The following ELF5 variants were observed in gnomAD, a reference collection of about 807,000 sequenced individuals.
ELF5 encodes the protein ETS-related transcription factor Elf-5.
In ELF5, 31 loss-of-function variants were observed where a neutral mutation model predicts 38.2. The ratio of observed to expected loss-of-function variants is 0.81; its 90% CI spans 0.61 to 1.10. The LOEUF is 1.10. ELF5 is among the 50% of genes least tolerant of loss of function. The pLI is 0.00. For synonymous variants in ELF5, 121 were observed against 112.5 expected (o/e 1.08, Z -0.48); for missense variants, 300 against 306.6 (o/e 0.98, Z 0.16).
chr11:34,480,468 C>A (rs1044657866), intron 6 of ELF5, among the ~76,000 whole-genome samples, 154 bp from the exon 7 acceptor site: 1 of 152,144 alleles, frequency 6.6e-6, no homozygotes, highest in South Asian at 2.1e-4. Flanking sequence ...ACACTTAAAC[C>A]TTTCCCAGAC....
At chr11:34,494,864 A>G (rs1307588077) in intron 2 of ELF5, among the ~76,000 whole-genome samples, 2 of 152,238 alleles carry the variant, frequency 1.3e-5, no homozygotes, top group East Asian at 3.8e-4. Flanking sequence ...GCTGTTCTGC[A>G]GATTAAATGA....
At chr11:34,506,275 C>A (rs1392557156) in intron 1 of ELF5, among the ~76,000 whole-genome samples, 1 of 152,100 alleles carries the variant, frequency 6.6e-6, no homozygotes, top group Non-Finnish European at 1.5e-5. Flanking sequence ...TAGAAGGGGG[C>A]ACTAAATGTT....
chr11:34,501,005 C>T (rs911584982), intron 2 of ELF5, among the ~76,000 whole-genome samples: 2 of 152,088 alleles, frequency 1.3e-5, no homozygotes, highest in African/African-American at 4.8e-5. Context: ...TCATGTTGTC[C>T]CTAACACAAT....
At chr11:34,485,839 G>A (rs530403177) in intron 4 of ELF5, among the ~76,000 whole-genome samples, 1 of 152,146 alleles carries the variant, frequency 6.6e-6, no homozygotes, top group African/African-American at 2.4e-5. Context: ...CCAGCGCTGG[G>A]TGGTGGATCT....
At chr11:34,481,793 T>C (rs1034033430) in intron 5 of ELF5, among the ~76,000 whole-genome samples, 13 of 152,198 alleles carry the variant, frequency 8.5e-5, no homozygotes, top group Non-Finnish European at 1.8e-4. Flanking sequence ...TTTATAACCA[T>C]AAACTTTTAG....
chr11:34,483,235 C>A (rs1403414969), intron 4 of ELF5, among the ~76,000 whole-genome samples: 1 of 152,026 alleles, frequency 6.6e-6, no homozygotes, highest in Non-Finnish European at 1.5e-5. Flanking sequence ...AAATCACCTT[C>A]CAGTGAGGTC....
At chr11:34,487,442 G>A (rs1037627715) in intron 4 of ELF5, among the ~76,000 whole-genome samples, 1 of 152,122 alleles carries the variant, frequency 6.6e-6, no homozygotes, top group Non-Finnish European at 1.5e-5. Context: ...GCTGGGTCCA[G>A]GCCACCATCA....
At chr11:34,491,436 C>T (rs561830494) in intron 3 of ELF5, among the ~76,000 whole-genome samples, 1 of 114,460 alleles carries the variant, frequency 8.7e-6, no homozygotes, top group South Asian at 2.8e-4. Context: ...TGAAATCCCA[C>T]CATTAAAGGT....
chr11:34,493,185 T>C (rs1850220792), intron 3 of ELF5: 3 of 564,972 alleles, frequency 5.3e-6, no homozygotes, highest in Non-Finnish European at 9.5e-6. Flanking sequence ...TTCAAATCAT[T>C]ATGAATATAC....
chr11:34,504,132 C>CA (rs1231581713), intron 2 of ELF5, among the ~76,000 whole-genome samples: 1 of 152,158 alleles, frequency 6.6e-6, no homozygotes, highest in Non-Finnish European at 1.5e-5. Flanking sequence ...TGGCCTTATG[C>CA]ATAGGTAGAG....
At chr11:34,501,217 G>T (rs976783782) in intron 2 of ELF5, among the ~76,000 whole-genome samples, 1 of 152,148 alleles carries the variant, frequency 6.6e-6, no homozygotes, top group African/African-American at 2.4e-5. Flanking sequence ...TAGGGATGGA[G>T]GTGGACAGAG....
chr11:34,510,803 A>C (rs1590346260), intron 1 of ELF5, among the ~76,000 whole-genome samples: 1 of 152,180 alleles, frequency 6.6e-6, no homozygotes, highest in Non-Finnish European at 1.5e-5. Flanking sequence ...AAAATGACCT[A>C]AAAAGTGTCC....
intron 4 of ELF5, among the ~76,000 whole-genome samples, chr11:34,486,472 G>A (rs1590323617): frequency 6.6e-6 from 1 of 152,146 alleles, no homozygotes; most frequent in East Asian, 1.9e-4. Flanking sequence ...TTGTCAAGCT[G>A]GGCCCAGAAC....
chr11:34,489,008 T>C (rs1009956455), intron 4 of ELF5, among the ~76,000 whole-genome samples: 1 of 152,114 alleles, frequency 6.6e-6, no homozygotes, highest in Non-Finnish European at 1.5e-5. Flanking sequence ...GTGGGTGAGA[T>C]GCTACACCCC....
intron 5 of ELF5, 104 bp downstream of exon 5, chr11:34,482,326 AC>A (rs1485108235): frequency 1.4e-5 from 14 of 1,033,796 alleles, no homozygotes; most frequent in Non-Finnish European, 2.1e-5. Context: ...TTGGGGAGTA[AC>A]TGGTCCAACT....
At chr11:34,488,244 A>T (rs12797675) in intron 4 of ELF5, among the ~76,000 whole-genome samples, 45,473 of 152,004 alleles carry the variant, frequency 0.3, 8,770 homozygotes, top group Non-Finnish European at 0.42. Context: ...GCTCATCACC[A>T]CAGCTACAGT....
intron 5 of ELF5, among the ~76,000 whole-genome samples, chr11:34,481,953 C>T (rs1856952345): frequency 6.6e-6 from 1 of 152,224 alleles, no homozygotes; most frequent in African/African-American, 2.4e-5. Flanking sequence ...AAATTACAAG[C>T]TTGACACTGC....
At chr11:34,502,605 A>T (rs978325852) in intron 2 of ELF5, among the ~76,000 whole-genome samples, 2 of 152,210 alleles carry the variant, frequency 1.3e-5, no homozygotes, top group African/African-American at 4.8e-5. Context: ...CCAGGTGAAC[A>T]TTTCACACCC....
chr11:34,498,299 C>T (rs556449073), intron 2 of ELF5, among the ~76,000 whole-genome samples: 1 of 152,168 alleles, frequency 6.6e-6, no homozygotes, highest in African/African-American at 2.4e-5. Flanking sequence ...ATTAGGGTTA[C>T]CTCCTGGGCT....
Sources: allele counts gnomAD v4.1 joint callset (sites outside exome capture counted in the v4.1 genomes callset), GRCh38; gene constraint gnomAD v4.1.1; transcripts MANE v1.5; gene names NCBI Gene and HGNC (gene_info 2026-07-23, HGNC 2026-07-21).